Variants in MYOM1 observed in about 807,000 individuals in gnomAD.
MYOM1 encodes myomesin-1.
In MYOM1, 164 loss-of-function variants were observed where a neutral mutation model predicts 205.3. The ratio of observed to expected loss-of-function variants is 0.80; its 90% CI spans 0.70 to 0.91. The LOEUF (loss-of-function observed/expected upper bound fraction) is 0.91, where lower values mean the gene tolerates loss of function less well. MYOM1 is among the 40% of genes least tolerant of loss of function. The pLI is 0.00. For synonymous variants in MYOM1, 772 were observed against 789.4 expected, an observed-to-expected ratio of 0.98 and a Z score of 0.37; for missense variants, 2,011 against 2,127.3, an observed-to-expected ratio of 0.95 and a Z score of 1.08.
intron 9 of MYOM1, among the ~76,000 whole-genome samples, chr18:3,168,580 C>T (rs1351960708): frequency 1.3e-5 from 2 of 152,212 alleles, no homozygotes; most frequent in East Asian, 1.9e-4. Flanking sequence ...TGAGCCACCA[C>T]GCCCAGCAGA....
chr18:3,235,749 A>G, the MYOM1 span, among the ~76,000 whole-genome samples: 2 of 152,232 alleles, frequency 1.3e-5, no homozygotes, highest in Admixed American at 1.3e-4. Flanking sequence ...TGTTGGAAGT[A>G]ATAAGTGCAA....
At chr18:3,079,093 A>C (rs1380750772) in intron 34 of MYOM1, 86 bp downstream of exon 34, 2 of 1,436,326 alleles carry the variant, frequency 1.4e-6, no homozygotes, top group African/African-American at 2.8e-5. Context: ...GATTACAGGC[A>C]TAAGCCACCA....
Position 3,089,549 on chromosome 18 carries a change from T to C in MYOM1, c.4057A>G (p.Ile1353Val). 6.2e-7 allele frequency: 1 copy of C among 1,608,784 alleles called. No individual in the cohort carries two copies. The highest frequency in any genetic ancestry group is 8.5e-7 in the Non-Finnish European group (1 of 1,177,582). Residue 1353 changes from isoleucine to valine, a missense_variant, in exon 28 of 38, where the codon ATC becomes GTC. Ile to Val is a conservative substitution (Grantham distance 29, BLOSUM62 3). Coordinates refer to ENST00000356443, the MANE Select transcript of MYOM1 (RefSeq NM_003803.4). ...KEAEFQRQEW[I>V]RKQGPHFVEY... ...GGCCTATTTTTACCTTGTTTCCTGA[T>C]CCATTCTTGCCGCTGGAATTCAGCT... is the stretch of plus-strand genomic sequence containing the variant.
intron 35 of MYOM1, 90 bp downstream of exon 35, chr18:3,075,635 C>T (rs1444523406): frequency 6.8e-7 from 1 of 1,464,454 alleles, no homozygotes. Context: ...AAATAAAAGG[C>T]TCTTTCTAAC....
chr18:3,205,938 T>C (rs72861643), intron 2 of MYOM1, among the ~76,000 whole-genome samples: 27,324 of 152,184 alleles, frequency 0.18, 2,529 homozygotes, highest in East Asian at 0.22. Context: ...CAAGGATAAA[T>C]GTAAAACCCT....
At chr18:3,139,742 C>T (rs1389608137) in intron 14 of MYOM1, among the ~76,000 whole-genome samples, 1 of 152,188 alleles carries the variant, frequency 6.6e-6, no homozygotes, top group Non-Finnish European at 1.5e-5. Context: ...CTACATAGTA[C>T]TGTGTTCATA....
At chr18:3,143,787 G>T (rs1157475224) in intron 13 of MYOM1, among the ~76,000 whole-genome samples, 1 of 150,028 alleles carries the variant, frequency 6.7e-6, no homozygotes, top group Non-Finnish European at 1.5e-5. Flanking sequence ...TATAGCCCCA[G>T]CTACTTGGGA....
At chr18:3,139,698 C>T (rs2080022069) in intron 14 of MYOM1, among the ~76,000 whole-genome samples, 1 of 152,214 alleles carries the variant, frequency 6.6e-6, no homozygotes, top group Admixed American at 6.5e-5. Context: ...CAATACCCAA[C>T]ATCCTGGGTG....
chr18:3,177,777 A>G (rs2080669611), intron 5 of MYOM1, among the ~76,000 whole-genome samples: 1 of 152,198 alleles, frequency 6.6e-6, no homozygotes, highest in Non-Finnish European at 1.5e-5. Flanking sequence ...TCGGCCTGCA[A>G]TATCATTGTA....
In MYOM1 at chr18:3,155,252, C is replaced by T. The variant is rs535472175; in HGVS notation, c.1502-164G>A. On this transcript the variant is annotated intron_variant, in intron 10 of 37. Coordinates refer to ENST00000356443, the MANE Select transcript of MYOM1 (RefSeq NM_003803.4). Reference sequence around the variant, plus strand: ...CTATTTTTTTTTTGAGACGGAGTCTCGCTCTGTCACCCAGGCTGGAGGGCA... The same window carrying T: ...CTATTTTTTTTTTGAGACGGAGTCTTGCTCTGTCACCCAGGCTGGAGGGCA... 5.9e-4 allele frequency among the ~76,000 whole-genome samples: 90 copies of T among 152,266 alleles called. No individual in the cohort carries two copies. The Middle Eastern group carries it at 0.01, about 17-fold the overall frequency.
chr18:3,223,273 G>T (rs781378445), upstream of MYOM1, among the ~76,000 whole-genome samples: 3 of 152,104 alleles, frequency 2.0e-5, no homozygotes, highest in Admixed American at 6.5e-5. Context: ...TTACTTCCTG[G>T]CATATAGCAA....
intron 26 of MYOM1, 84 bp downstream of exon 26, chr18:3,094,086 T>C (rs997543912): frequency 1.4e-6 from 2 of 1,445,134 alleles, no homozygotes; most frequent in Non-Finnish European, 1.9e-6. Flanking sequence ...GCGGTTTTTA[T>C]AACAACATAT....
At chr18:3,213,511 G>A (rs147698474) in intron 2 of MYOM1, among the ~76,000 whole-genome samples, 2 of 152,256 alleles carry the variant, frequency 1.3e-5, no homozygotes, top group African/African-American at 4.8e-5. Context: ...TGAATATGAA[G>A]AAAATAAAAC....
chr18:3,090,701 A>T lies in MYOM1; in HGVS notation c.3966T>A (p.Asp1322Glu). ...CAGTAGAATGGTTAGTTGCTTTTCC[A>T]TCTTGAAGCTGGAAAGTGTACGTTC... ...DEGTYTFQLQ[D>E]GKATNHSTVV... The change falls in exon 27 of 38, where the codon GAT becomes GAA. Residue 1322 changes from aspartate to glutamate, a missense_variant. By Grantham distance (45) the Asp-to-Glu change is conservative. Transcript: ENST00000356443. 5 of 1,613,980 alleles carry T rather than the reference A, an allele frequency of 3.1e-6. No individual in the cohort carries two copies. The highest frequency in any genetic ancestry group is 2.5e-6 in the Non-Finnish European group (3 of 1,179,888).
At chr18:3,103,282 T>G (rs2079406033) in intron 22 of MYOM1, among the ~76,000 whole-genome samples, 1 of 152,216 alleles carries the variant, frequency 6.6e-6, no homozygotes, top group African/African-American at 2.4e-5. Flanking sequence ...TGATAGCAAC[T>G]GAGAAATGAC....
chr18:3,103,498 AT>A (rs1267006534), intron 22 of MYOM1, among the ~76,000 whole-genome samples: 101 of 152,338 alleles, frequency 6.6e-4, no homozygotes, highest in African/African-American at 2.2e-3. Flanking sequence ...CTATGCCTAA[AT>A]CCAGTTGAAA....
chr18:3,070,778 G>C (rs1319577079), intron 37 of MYOM1, among the ~76,000 whole-genome samples: 2 of 150,854 alleles, frequency 1.3e-5, no homozygotes, highest in Non-Finnish European at 3.0e-5. Context: ...GTGTGTGCAC[G>C]TGTGTGTGTT....
At chr18:3,206,549 C>G (rs1022226010) in intron 2 of MYOM1, among the ~76,000 whole-genome samples, 17 of 152,198 alleles carry the variant, frequency 1.1e-4, no homozygotes, top group Non-Finnish European at 1.6e-4. Context: ...CCACAATTTC[C>G]TCTTCGCAAA....
the MYOM1 span, among the ~76,000 whole-genome samples, chr18:3,234,929 T>C: frequency 6.6e-6 from 1 of 151,970 alleles, no homozygotes; most frequent in South Asian, 2.1e-4. Flanking sequence ...TTAAATTTTT[T>C]TTTTTTTTAG....
Sources: gnomAD v4.1 joint callset for allele counts (sites outside exome capture counted in the v4.1 genomes callset) on GRCh38, gnomAD v4.1.1 for gene constraint, MANE v1.5 for transcripts, NCBI Gene and HGNC (gene_info 2026-07-23, HGNC 2026-07-21) for gene names.